Variants in SLC5A1 observed in about 807,000 individuals in gnomAD.
SLC5A1 encodes sodium/glucose cotransporter 1.
A neutral mutation model predicts 73.5 loss-of-function variants in SLC5A1; 42 were observed. That is an observed-to-expected ratio of 0.57 (90% CI 0.45 to 0.74). The LOEUF is 0.74. SLC5A1 is among the 30% of genes least tolerant of loss of function. The pLI is 0.00. For synonymous variants in SLC5A1, 300 were observed against 317.4 expected, an observed-to-expected ratio of 0.95 and a Z score of 0.58; for missense variants, 634 against 855.4, an observed-to-expected ratio of 0.74 and a Z score of 3.23.
At chr22:32,064,271 G>GGA (rs574814731) in intron 2 of SLC5A1, among the ~76,000 whole-genome samples, 72 of 152,124 alleles carry the variant, frequency 4.7e-4, no homozygotes, top group Middle Eastern at 3.4e-3. Context: ...CAAGGCGGAT[G>GGA]GATTGCTTGA....
rs2093933498 is a variant in SLC5A1 at position 32,043,799 on chromosome 22, G to A, written c.135+383G>A. Among the ~76,000 whole-genome samples the A allele has an allele frequency of 6.6e-6, 1 of 152,186 alleles. No individual in the cohort carries two copies. Among genetic ancestry groups the A allele is most frequent in the African/African-American group, 2.4e-5 (1 of 41,434 alleles). On this transcript the variant is annotated intron_variant, in intron 1 of 14. Transcript: ENST00000266088. This position sits in a 1 kb window ranked among gnomAD's most constrained non-coding sequence, Gnocchi z 6.5. Reference sequence around the variant, plus strand: ...CAGGTGACTACTGTCCTACCTTTTAGTCATCCAGTTTCAGATGGGAAAGAA... The same window carrying A: ...CAGGTGACTACTGTCCTACCTTTTAATCATCCAGTTTCAGATGGGAAAGAA...
At chr22:32,103,595 A>G (rs766419035) in intron 13 of SLC5A1, among the ~76,000 whole-genome samples, 2 of 152,254 alleles carry the variant, frequency 1.3e-5, no homozygotes, top group Non-Finnish European at 2.9e-5. Context: ...TTAGAAGCCT[A>G]TGTTCCAAAT....
intron 14 of SLC5A1, among the ~76,000 whole-genome samples, chr22:32,105,954 A>G (rs895929153): frequency 5.3e-5 from 8 of 152,180 alleles, no homozygotes; most frequent in Non-Finnish European, 1.0e-4. Context: ...TCCATTGTGT[A>G]TATGTACCCA....
chr22:32,043,559 A>G lies in SLC5A1; in HGVS notation c.135+143A>G. 2.2e-6 allele frequency: 2 copies of G among 891,888 alleles called. No individual in the cohort carries two copies. Among genetic ancestry groups the G allele is most frequent in the East Asian group, 2.7e-5 (1 of 37,338 alleles). The allele number at this position is 891,888 out of a possible 1,614,324, so 55.2% of individuals were successfully genotyped here. A position where few individuals can be genotyped will look rare whatever the true frequency, so the allele number is the denominator to read the frequency against. ...TTGGAAGCACTTTAGAAGCACTCAG[A>G]GGCACAGCATGAAGGGAGGAGGGCA... On this transcript the variant is annotated intron_variant, in intron 1 of 14. Transcript: ENST00000266088. The surrounding 1 kb of genome is among the most constrained non-coding windows in gnomAD (Gnocchi z 6.5).
At chr22:32,100,647 C>T (rs947367952) in intron 12 of SLC5A1, among the ~76,000 whole-genome samples, 2 of 152,164 alleles carry the variant, frequency 1.3e-5, no homozygotes, top group African/African-American at 4.8e-5. Context: ...AACTCCTGAA[C>T]TCAAGTGATT....
At chr22:32,093,035 C>G (rs2094020596) in intron 11 of SLC5A1, among the ~76,000 whole-genome samples, 1 of 152,102 alleles carries the variant, frequency 6.6e-6, no homozygotes, top group African/African-American at 2.4e-5. Context: ...GCCAATTATC[C>G]CAGCACTATT....
At position 32,099,196 on chromosome 22, in the gene SLC5A1, G is replaced by T; in HGVS notation, c.1294G>T (p.Val432Leu). 1 of 1,605,764 alleles carries T rather than the reference G, an allele frequency of 6.2e-7. No homozygotes were observed. Among genetic ancestry groups the T allele is most frequent in the Non-Finnish European group, 8.5e-7 (1 of 1,176,932 alleles). ...LMIAGRLFIL[V>L]LIGISIAWVP... ...CTTTAATTTCAGGTTGTTTATCCTG[G>T]TGCTGATTGGCATCAGCATCGCCTG... Residue 432 changes from valine (V) to leucine (L), a missense_variant, in exon 12 of 15, where the codon GTG becomes TTG. Coordinates refer to ENST00000266088, the MANE Select transcript of SLC5A1 (RefSeq NM_000343.4).
chr22:32,053,980 C>T (rs1183513764), intron 2 of SLC5A1, among the ~76,000 whole-genome samples: 1 of 152,090 alleles, frequency 6.6e-6, no homozygotes, highest in Admixed American at 6.6e-5. Flanking sequence ...TCAAGACCAG[C>T]TGGCCAACAT....
At chr22:32,073,720 C>T (rs2093986369) in intron 5 of SLC5A1, among the ~76,000 whole-genome samples, 1 of 152,076 alleles carries the variant, frequency 6.6e-6, no homozygotes, top group Non-Finnish European at 1.5e-5. Flanking sequence ...CCATGCCTGG[C>T]TAATTTTTGT....
chr22:32,096,418 A>G (rs1282589790), intron 11 of SLC5A1, among the ~76,000 whole-genome samples: 1 of 151,962 alleles, frequency 6.6e-6, no homozygotes, highest in South Asian at 2.1e-4. Flanking sequence ...ACTGCCCCAC[A>G]CTGTCCTCCT....
At chr22:32,095,434 G>C (rs773277647) in intron 11 of SLC5A1, among the ~76,000 whole-genome samples, 2 of 152,196 alleles carry the variant, frequency 1.3e-5, no homozygotes, top group Non-Finnish European at 2.9e-5. Context: ...AGTGCTGTCA[G>C]TGGAGTATTG....
At chr22:32,078,954 CAAAAAAAAAAAAAA>C (rs6147589) in intron 5 of SLC5A1, among the ~76,000 whole-genome samples, 66,889 of 109,502 alleles carry the variant, frequency 0.61, 19,766 homozygotes, top group East Asian at 0.85. Flanking sequence ...ACTCTGTCTC[CAAAAAAAAAAAAAA>C]AAAAAAAAAA....
chr22:32,068,532 G>A lies in SLC5A1; in HGVS notation c.409G>A (p.Gly137Arg), dbSNP rs551675608. The A allele has an allele frequency of 1.9e-6, 3 of 1,613,916 alleles. No individual in the cohort carries two copies. Among genetic ancestry groups the A allele is most frequent in the Non-Finnish European group, 2.5e-6 (3 of 1,179,988 alleles). ...TMPEYLRKRFGGQRIQVYLSL... is the reference protein window; with the variant it reads ...TMPEYLRKRFRGQRIQVYLSL... ...GCCAGAGTACCTGAGGAAGCGGTTT[G>A]GAGGCCAGCGGATCCAGGTCTACCT... Residue 137 changes from glycine (G) to arginine (R), a missense_variant, in exon 5 of 15, where the codon GGA becomes AGA. Physicochemically the swap from Gly to Arg is moderately radical, Grantham distance 125. Transcript: ENST00000266088.
In SLC5A1 at chr22:32,068,088, C is replaced by G. The variant is rs1006261401; in HGVS notation, c.372+62C>G. The G allele has an allele frequency of 3.3e-6, 5 of 1,510,144 alleles. No individual in the cohort carries two copies. The East Asian group carries it at 6.8e-5, about 20-fold the overall frequency. The allele number at this position is 1,510,144 out of a possible 1,614,324, so 93.5% of individuals were successfully genotyped here. On this transcript the variant is annotated intron_variant, in intron 4 of 14. Transcript: ENST00000266088. ...AAATGTATCTGTCAGCTTGGTCTTCCTAGAGGGCAGAGGAGACATTATGGG... is the reference window on the plus strand; with the variant it reads ...AAATGTATCTGTCAGCTTGGTCTTCGTAGAGGGCAGAGGAGACATTATGGG...
intron 7 of SLC5A1, among the ~76,000 whole-genome samples, chr22:32,083,693 G>C (rs1351400546): frequency 6.9e-6 from 1 of 145,562 alleles, no homozygotes; most frequent in African/African-American, 2.6e-5. Flanking sequence ...AATTTTACTT[G>C]TCTATGAAAT....
chr22:32,081,635 A>T (rs1421051147), intron 5 of SLC5A1, among the ~76,000 whole-genome samples: 1 of 152,210 alleles, frequency 6.6e-6, no homozygotes, highest in South Asian at 2.1e-4. Flanking sequence ...CTCCCTGGGG[A>T]TGACTGTACA....
rs201138776 is a variant in SLC5A1 at position 32,110,534 on chromosome 22, C to T, written c.*321C>T. 9.6e-6 allele frequency: 4 copies of T among 417,472 alleles called. No individual in the cohort carries two copies. Among genetic ancestry groups the T allele is most frequent in the African/African-American group, 2.0e-5 (1 of 49,364 alleles). 25.9% of individuals were successfully genotyped at this position (417,472 alleles called of 1,614,324 possible). A position where few individuals can be genotyped will look rare whatever the true frequency, so the allele number is the denominator to read the frequency against. ...ACGTGAGTCTGTCTCAGGTAGATTC[C>T]GGGTGTCAGTGTGGTTTATAATCCT... On this transcript the variant is annotated 3_prime_UTR_variant, in exon 15 of 15. Transcript: ENST00000266088.
intron 14 of SLC5A1, among the ~76,000 whole-genome samples, chr22:32,109,692 T>C (rs1038383579): frequency 6.6e-6 from 1 of 152,204 alleles, no homozygotes; most frequent in Non-Finnish European, 1.5e-5. Flanking sequence ...TAAACTATTA[T>C]TTGATCTGAC....
Position 32,065,207 on chromosome 22 carries a change from A to G in SLC5A1, c.208-1728A>G, listed in dbSNP as rs116019738. Among the ~76,000 whole-genome samples the G allele has an allele frequency of 8.1e-3, 1,230 of 152,200 alleles. 15 individuals carry two copies. The highest frequency in any genetic ancestry group is 0.028 in the African/African-American group (1,161 of 41,518). On this transcript the variant is annotated intron_variant, in intron 2 of 14. Coordinates refer to ENST00000266088, the MANE Select transcript of SLC5A1 (RefSeq NM_000343.4). ...AGCAATCCTCCTGCTTCAGCCTCCT[A>G]AAGTACTGGGATTAGAAGCATGAGC...
Sources: allele counts gnomAD v4.1 joint callset (sites outside exome capture counted in the v4.1 genomes callset), GRCh38; gene constraint gnomAD v4.1.1; non-coding constraint Gnocchi (gnomAD v3.1); transcripts MANE v1.5; gene names NCBI Gene and HGNC (gene_info 2026-07-23, HGNC 2026-07-21).